The following ZNF540 variants were observed in gnomAD, a reference collection of about 807,000 sequenced individuals.
The protein encoded by ZNF540 is zinc finger protein 540, also known as CTD-3064H18.6.
In ZNF540, 3 loss-of-function variants were observed where a neutral mutation model predicts 11.8. That is an observed-to-expected ratio of 0.25 (90% CI 0.12 to 0.65). ZNF540 has a LOEUF of 0.65. Ranked by LOEUF, ZNF540 falls within the 30% of genes least tolerant of loss-of-function variation. The pLI is 0.83. For missense variants in ZNF540, 709 were observed against 793.1 expected (o/e 0.89, Z 1.27); for synonymous variants, 247 against 259.0 (o/e 0.95, Z 0.45).
chr19:37,554,835 A>C, intron 1 of ZNF540: 1 of 152,242 alleles, frequency 6.6e-6, no homozygotes, highest in East Asian at 1.9e-4. Context: ...CTAACGCTCA[A>C]AATTCTCTCG....
In ZNF540 at chr19:37,605,477, G is replaced by A. The variant is rs573881446; in HGVS notation, c.232+4372G>A. On this transcript the variant is annotated intron_variant, in intron 4 of 4. Coordinates refer to ENST00000316433, the MANE Select transcript of ZNF540 (RefSeq NM_001172225.3). ...AGCCTGACCAACATGGTGAAACCCC[G>A]TCTCTACTAAAAATACAAAAATTAG... is the stretch of plus-strand genomic sequence containing the variant. Among the ~76,000 whole-genome samples, 10 of 152,160 alleles carry A rather than the reference G, an allele frequency of 6.6e-5. No individual in the cohort carries two copies. The East Asian group carries it at 1.2e-3, about 18-fold the overall frequency.
chr19:37,554,844 C>T (rs1256760051), intron 1 of ZNF540: 2 of 151,990 alleles, frequency 1.3e-5, no homozygotes, highest in Non-Finnish European at 1.5e-5. Context: ...AAAATTCTCT[C>T]GGCCCGAAGA....
chr19:37,557,651 C>T (rs1443900294), intron 1 of ZNF540, among the ~76,000 whole-genome samples: 2 of 152,282 alleles, frequency 1.3e-5, no homozygotes, highest in East Asian at 1.9e-4. Context: ...GGGCCAGTTT[C>T]GGTAGTTTCC....
chr19:37,612,649 C>A lies in ZNF540; in HGVS notation c.1369C>A (p.His457Asn). The A allele has an allele frequency of 6.2e-7, 1 of 1,614,044 alleles. No individual in the cohort carries two copies. The highest frequency in any genetic ancestry group is 8.5e-7 in the Non-Finnish European group (1 of 1,179,980). Residue 457 changes from histidine to asparagine, a missense_variant, in exon 5 of 5, where the codon CAT (histidine) becomes AAT (asparagine). By Grantham distance (68) the His-to-Asn change is moderately conservative. Coordinates refer to ENST00000316433, the MANE Select transcript of ZNF540 (RefSeq NM_001172225.3). ...AFMLRSVLTE[H>N]QRLHTGVKPY... is the part of the protein sequence containing the mutation. ...TATGCTTCGTTCAGTCCTTACTGAA[C>A]ATCAGAGACTTCATACTGGTGTGAA...
intron 1 of ZNF540, chr19:37,583,341 C>T (rs2147196091): frequency 6.6e-6 from 1 of 152,262 alleles, no homozygotes; most frequent in African/African-American, 2.4e-5. Flanking sequence ...AAGCATTGTC[C>T]CCAAAAGAGA....
chr19:37,590,330 C>A (rs944116229), upstream of ZNF540, among the ~76,000 whole-genome samples: 1 of 151,654 alleles, frequency 6.6e-6, no homozygotes, highest in Non-Finnish European at 1.5e-5. Context: ...GGCAGGAGAA[C>A]GGCGTGAACC....
chr19:37,594,822 G>A (rs546689739), upstream of ZNF540: 4 of 152,318 alleles, frequency 2.6e-5, no homozygotes, highest in African/African-American at 9.6e-5. Flanking sequence ...GGGGCCTTCG[G>A]GAAATGTAGT....
intron 1 of ZNF540, among the ~76,000 whole-genome samples, chr19:37,553,434 T>G (rs536278089): frequency 1.1e-4 from 17 of 152,210 alleles, no homozygotes; most frequent in African/African-American, 3.4e-4. Flanking sequence ...CGCCTGGCTT[T>G]CTTCTGTGTT....
intron 1 of ZNF540, among the ~76,000 whole-genome samples, chr19:37,596,924 AT>A (rs1245127081): frequency 6.6e-6 from 1 of 152,198 alleles, no homozygotes; most frequent in African/African-American, 2.4e-5. Context: ...CCAAGTCATT[AT>A]TCACGCTTGG....
Position 37,556,257 on chromosome 19 carries a change from G to T in ZNF540, c.-73+4592G>T, listed in dbSNP as rs575467522. 5.8e-5 allele frequency: 36 copies of T among 621,828 alleles called. No homozygotes were observed. The African/African-American group carries it at 6.0e-4, about 10-fold the overall frequency. 38.5% of individuals were successfully genotyped at this position (621,828 alleles called of 1,614,324 possible). A position where few individuals can be genotyped will look rare whatever the true frequency, so the allele number is the denominator to read the frequency against. ...TGCAAATACACATCCTGTTGTGAAA[G>T]AGGTGAGGAGAAAGGAGTAGGAAGG... is the stretch of plus-strand genomic sequence containing the variant. On this transcript the variant is annotated intron_variant, in intron 1 of 4. Coordinates refer to the ZNF540 transcript ENST00000592533.
At chr19:37,600,986 CTTT>C in intron 3 of ZNF540, 21 bp from the exon 4 acceptor site, 2 of 1,534,090 alleles carry the variant, frequency 1.3e-6, no homozygotes, top group Non-Finnish European at 1.8e-6. Flanking sequence ...TCTATATATT[CTTT>C]TATTTCTTTC....
At chr19:37,600,588 A>C (rs974277451) in intron 3 of ZNF540, among the ~76,000 whole-genome samples, 1 of 152,158 alleles carries the variant, frequency 6.6e-6, no homozygotes, top group Non-Finnish European at 1.5e-5. Context: ...AAAAGAAAAT[A>C]AAAGGTACTA....
At chr19:37,567,330 A>G (rs1204527244) in intron 1 of ZNF540, among the ~76,000 whole-genome samples, 2 of 152,216 alleles carry the variant, frequency 1.3e-5, no homozygotes, top group African/African-American at 2.4e-5. Flanking sequence ...TCTAAAATAT[A>G]TATGTTCCTT....
In ZNF540 at chr19:37,553,113, C is replaced by CTTTTTTTT. The variant is rs746114598; in HGVS notation, c.-73+1479_-73+1486dup. 5.1e-4 allele frequency among the ~76,000 whole-genome samples: 17 copies of CTTTTTTTT among 33,130 alleles called. 6 individuals are homozygous for CTTTTTTTT. The highest frequency in any genetic ancestry group is 0.026 in the Middle Eastern group (1 of 38). 21.7% of individuals were successfully genotyped at this position (33,130 alleles called of 152,430 possible). On this transcript the variant is annotated intron_variant, in intron 1 of 4. Transcript: ENST00000592533. Reference sequence around the variant, plus strand: ...AATCTTTTTTTATATAACCTAACATCTTTTTTTTTTTTTTTTTTTTTTTTT... The same window carrying CTTTTTTTT: ...AATCTTTTTTTATATAACCTAACATCTTTTTTTTTTTTTTTTTTTTTTTTTTTTTTTTT...
intron 1 of ZNF540, among the ~76,000 whole-genome samples, chr19:37,573,183 A>G (rs775327559): frequency 3.9e-5 from 6 of 151,998 alleles, no homozygotes; most frequent in Non-Finnish European, 7.4e-5. Context: ...AACAGAAATT[A>G]TATCATTTTT....
intron 1 of ZNF540, chr19:37,586,540 GA>G (rs2043680265): frequency 1.9e-6 from 2 of 1,025,668 alleles, no homozygotes; most frequent in Non-Finnish European, 3.0e-6. Flanking sequence ...TTACTCGCTA[GA>G]ATGGGAGACG....
chr19:37,572,260 C>T (rs1352293940), intron 1 of ZNF540, among the ~76,000 whole-genome samples: 1 of 152,226 alleles, frequency 6.6e-6, no homozygotes, highest in Non-Finnish European at 1.5e-5. Context: ...GTAGTTCCCC[C>T]TTACCAAGGT....
At chr19:37,607,764 T>C (rs2147232255) in intron 4 of ZNF540, among the ~76,000 whole-genome samples, 1 of 152,372 alleles carries the variant, frequency 6.6e-6, no homozygotes, top group South Asian at 2.1e-4. Flanking sequence ...AAAGCTGCTA[T>C]ATGCATTTGT....
intron 1 of ZNF540, chr19:37,566,474 T>C: frequency 3.0e-6 from 2 of 656,046 alleles, no homozygotes. Context: ...GGAGAGCTTA[T>C]AGGAAAGAAG....
Sources: gnomAD v4.1 joint callset for allele counts (sites outside exome capture counted in the v4.1 genomes callset) on GRCh38, gnomAD v4.1.1 for gene constraint, MANE v1.5 for transcripts, NCBI Gene and HGNC (gene_info 2026-07-23, HGNC 2026-07-21) for gene names.